CAMTA1: variants seen among roughly 807,000 people sequenced by gnomAD.
The protein encoded by CAMTA1 is calmodulin binding transcription activator 1.
CAMTA1 carries 27 observed loss-of-function variants against 170.9 expected under a neutral mutation model. That is an observed-to-expected ratio of 0.16 (90% CI 0.12 to 0.22). The LOEUF (loss-of-function observed/expected upper bound fraction) is 0.22. Among genes scored for constraint, CAMTA1 ranks in the 10% least tolerant of loss-of-function variants. The pLI is 1.00. For synonymous variants in CAMTA1, 833 were observed against 891.5 expected (o/e 0.93, Z 1.17); for missense variants, 1,619 against 2,217.2 (o/e 0.73, Z 5.42).
Position 6,999,677 on chromosome 1 carries a change from T to C in CAMTA1, c.235-91627T>C, listed in dbSNP as rs188526924. On this transcript the variant is annotated intron_variant, in intron 3 of 22. Coordinates refer to ENST00000303635, the MANE Select transcript of CAMTA1 (RefSeq NM_015215.4). Reference sequence around the variant, plus strand: ...GGATTATACCGTACCCGGCCGGGTCTTTTTTCTTAGAGCGGTTGTACTCCT... The same window carrying C: ...GGATTATACCGTACCCGGCCGGGTCCTTTTTCTTAGAGCGGTTGTACTCCT... Among the ~76,000 whole-genome samples the C allele has an allele frequency of 4.6e-5, 7 of 152,242 alleles. No individual in the cohort carries two copies. In the East Asian group the frequency reaches 1.2e-3, roughly 25 times the overall value.
At chr1:6,949,702 T>C (rs539392467) in intron 3 of CAMTA1, among the ~76,000 whole-genome samples, 1 of 152,364 alleles carries the variant, frequency 6.6e-6, no homozygotes, top group East Asian at 1.9e-4. Flanking sequence ...TTAGTACTTC[T>C]GAGCCCCAAT....
At position 7,141,089 on chromosome 1, in the gene CAMTA1, C is replaced by T. The variant is rs1049875237; in HGVS notation, c.302+49718C>T. On this transcript the variant is annotated intron_variant, in intron 4 of 22. Transcript: ENST00000303635. ...TGTGGCTCTTCAGCTGGACTCGGCC[C>T]CTCTGCAGGCCAAAGGGTAGCTCCC... is the stretch of plus-strand genomic sequence containing the variant. Among the ~76,000 whole-genome samples, 4 of 152,100 alleles carry T rather than the reference C, an allele frequency of 2.6e-5. 1 individual carries two copies. In the South Asian group the frequency reaches 8.3e-4, roughly 32 times the overall value.
rs181006962 is a variant in CAMTA1 at position 7,148,452 on chromosome 1, C to A, written c.302+57081C>A. On this transcript the variant is annotated intron_variant, in intron 4 of 22. Coordinates refer to ENST00000303635, the MANE Select transcript of CAMTA1 (RefSeq NM_015215.4). ...CCCCCCCGCCACGCTCCCCGCCATG[C>A]TCCTTCTTCTCCCTGTGCTGGGCTT... Among the ~76,000 whole-genome samples the A allele has an allele frequency of 2.3e-3, 355 of 151,578 alleles. 3 individuals are homozygous for A. Among genetic ancestry groups the A allele is most frequent in the African/African-American group, 7.8e-3 (323 of 41,418 alleles).
chr1:7,304,763 A>G (rs1675328289), intron 5 of CAMTA1, among the ~76,000 whole-genome samples: 1 of 151,896 alleles, frequency 6.6e-6, no homozygotes, highest in African/African-American at 2.4e-5. Context: ...CTCTTTATAT[A>G]TTACAGAAAT....
rs561247713 is a variant in CAMTA1 at position 7,079,106 on chromosome 1, G to A, written c.235-12198G>A. On this transcript the variant is annotated intron_variant, in intron 3 of 22. Transcript: ENST00000303635. ...CTCGGAGGTATTTGCATTCTGACCA[G>A]CCCGACTGGGGAGCTGTCCTTGAAT... 1.2e-3 allele frequency among the ~76,000 whole-genome samples: 179 copies of A among 152,312 alleles called. 1 individual carries two copies. Among genetic ancestry groups the A allele is most frequent in the Non-Finnish European group, 2.1e-3 (144 of 68,030 alleles).
chr1:7,369,356 T>G (rs1187732732), intron 5 of CAMTA1, among the ~76,000 whole-genome samples: 2 of 152,118 alleles, frequency 1.3e-5, no homozygotes, highest in African/African-American at 2.4e-5. Flanking sequence ...TGTAAGAGTT[T>G]GAGGGGGTCA....
chr1:7,746,550 T>C (rs1453669153), intron 18 of CAMTA1, among the ~76,000 whole-genome samples: 4 of 152,202 alleles, frequency 2.6e-5, no homozygotes, highest in African/African-American at 7.2e-5. Flanking sequence ...ATCTGAGGCA[T>C]AGAGAATAAC....
intron 3 of CAMTA1, among the ~76,000 whole-genome samples, chr1:7,085,817 A>T (rs1640660739): frequency 6.6e-6 from 1 of 152,150 alleles, no homozygotes; most frequent in African/African-American, 2.4e-5. Flanking sequence ...CCTCTATCAA[A>T]ACCCATCAGC....
intron 5 of CAMTA1, among the ~76,000 whole-genome samples, chr1:7,382,324 G>A (rs1370324321): frequency 6.6e-6 from 1 of 152,222 alleles, no homozygotes; most frequent in Non-Finnish European, 1.5e-5. Context: ...GGTGAATTGG[G>A]ATATGTCTTC....
intron 6 of CAMTA1, among the ~76,000 whole-genome samples, chr1:7,578,683 C>A (rs1055121985): frequency 3.9e-5 from 6 of 152,206 alleles, no homozygotes; most frequent in Non-Finnish European, 5.9e-5. Flanking sequence ...ATGAATCCCA[C>A]TGATCTAGAG....
intron 3 of CAMTA1, chr1:6,853,083 T>TA (rs1661040039): frequency 6.6e-6 from 1 of 152,158 alleles, no homozygotes; most frequent in South Asian, 2.1e-4. Context: ...AGACCTGCAC[T>TA]AAAGGGAATA....
At chr1:7,704,897 A>G (rs2096491623) in intron 11 of CAMTA1, among the ~76,000 whole-genome samples, 1 of 132,094 alleles carries the variant, frequency 7.6e-6, no homozygotes, top group African/African-American at 2.8e-5. Context: ...AGGTCCGGGT[A>G]GGTGCGCGGC....
chr1:6,788,515 A>T (rs929435914), intron 1 of CAMTA1, among the ~76,000 whole-genome samples: 5 of 152,098 alleles, frequency 3.3e-5, no homozygotes, highest in African/African-American at 4.8e-5. Flanking sequence ...TTTGGTTTTA[A>T]ATGTTTTTAT....
At chr1:7,381,951 G>A (rs2087386193) in intron 5 of CAMTA1, among the ~76,000 whole-genome samples, 1 of 152,192 alleles carries the variant, frequency 6.6e-6, no homozygotes, top group African/African-American at 2.4e-5. Context: ...AGAGGGTTGA[G>A]AACTGGCTGG....
intron 7 of CAMTA1, among the ~76,000 whole-genome samples, chr1:7,655,407 C>T (rs1019606196): frequency 1.2e-5 from 1 of 81,474 alleles, no homozygotes; most frequent in Non-Finnish European, 2.7e-5. Context: ...AATACACCCA[C>T]CTATACACAC....
intron 3 of CAMTA1, among the ~76,000 whole-genome samples, chr1:7,000,113 G>A (rs1221770917): frequency 1.3e-5 from 2 of 152,218 alleles, no homozygotes; most frequent in African/African-American, 4.8e-5. Flanking sequence ...CTCTTCTGTG[G>A]TCCTCGCTCT....
At chr1:7,577,496 G>A (rs1339884209) in intron 6 of CAMTA1, among the ~76,000 whole-genome samples, 4 of 151,976 alleles carry the variant, frequency 2.6e-5, no homozygotes, top group Non-Finnish European at 4.4e-5. Context: ...CTCACCAGCC[G>A]GCCTGGAAGG....
intron 6 of CAMTA1, among the ~76,000 whole-genome samples, chr1:7,615,220 C>A (rs979703024): frequency 6.6e-6 from 1 of 152,222 alleles, no homozygotes; most frequent in Non-Finnish European, 1.5e-5. Context: ...TGTCAGAACC[C>A]ACAGTGCTGT....
At chr1:7,661,663 G>A (rs1373754743) in intron 7 of CAMTA1, 63 bp from the exon 8 acceptor site, 13 of 1,594,414 alleles carry the variant, frequency 8.2e-6, no homozygotes, top group South Asian at 2.2e-5. Context: ...CTACCCCTTG[G>A]CCCCACCCAG....
Sources: gnomAD v4.1 joint callset for allele counts (sites outside exome capture counted in the v4.1 genomes callset) on GRCh38, gnomAD v4.1.1 for gene constraint, MANE v1.5 for transcripts, NCBI Gene and HGNC (gene_info 2026-07-23, HGNC 2026-07-21) for gene names.